The following PTPRK variants were observed in gnomAD, a reference collection of about 807,000 sequenced individuals.
PTPRK encodes receptor-type tyrosine-protein phosphatase kappa.
PTPRK carries 75 observed loss-of-function variants against 178.0 expected under a neutral mutation model. The ratio of observed to expected loss-of-function variants is 0.42; its 90% CI spans 0.35 to 0.51. PTPRK has a LOEUF of 0.51. Ranked by LOEUF, PTPRK falls within the 20% of genes least tolerant of loss-of-function variation. The pLI, the probability that PTPRK is intolerant of heterozygous loss-of-function variation, is 0.02. For missense variants in PTPRK, 1,441 were observed against 1,797.8 expected (o/e 0.80, Z 3.59); for synonymous variants, 637 against 620.6 (o/e 1.03, Z -0.39).
rs971501204 is a variant in PTPRK at position 128,213,416 on chromosome 6, G to C, written c.868+5506C>G. Among the ~76,000 whole-genome samples the C allele has an allele frequency of 3.9e-5, 6 of 151,992 alleles. No homozygotes were observed. The East Asian group carries it at 7.7e-4, about 19-fold the overall frequency. ...CTGCATGGGCTTTTTTAAATATTTAGGGGTTTTGGGGGGTAAAATTAGTAT... is the reference window on the plus strand; with the variant it reads ...CTGCATGGGCTTTTTTAAATATTTACGGGTTTTGGGGGGTAAAATTAGTAT... On this transcript the variant is annotated intron_variant, in intron 6 of 29. Coordinates refer to ENST00000368226, the MANE Select transcript of PTPRK (RefSeq NM_002844.4).
At chr6:128,274,759 C>T (rs1768347) in intron 3 of PTPRK, among the ~76,000 whole-genome samples, 8,097 of 152,004 alleles carry the variant, frequency 0.053, 580 homozygotes, top group African/African-American at 0.17. Context: ...CAGGAGAGTA[C>T]AAACTGAAAT....
chr6:128,407,847 T>A (rs952988230), intron 1 of PTPRK, among the ~76,000 whole-genome samples: 2 of 151,924 alleles, frequency 1.3e-5, no homozygotes, highest in African/African-American at 4.8e-5. Flanking sequence ...AACCAAGAAG[T>A]TTTTAAATTT....
intron 2 of PTPRK, among the ~76,000 whole-genome samples, chr6:128,371,252 C>CT (rs1836239641): frequency 1.3e-5 from 2 of 152,180 alleles, no homozygotes; most frequent in South Asian, 2.1e-4. Flanking sequence ...AGTTTGGACT[C>CT]TATCTGTACC....
intron 27 of PTPRK, among the ~76,000 whole-genome samples, chr6:127,974,979 C>G (rs1285212371): frequency 1.3e-5 from 2 of 152,054 alleles, no homozygotes; most frequent in Admixed American, 6.6e-5. Flanking sequence ...GCCCATGCAT[C>G]TTTTGGTAGA....
At chr6:128,051,060 C>G (rs2114873400) in intron 13 of PTPRK, among the ~76,000 whole-genome samples, 1 of 152,134 alleles carries the variant, frequency 6.6e-6, no homozygotes, top group East Asian at 1.9e-4. Context: ...TAATCTAATA[C>G]ACTTCTCAAT....
chr6:128,207,043 C>A (rs1807106074), intron 6 of PTPRK, among the ~76,000 whole-genome samples: 1 of 152,140 alleles, frequency 6.6e-6, no homozygotes, highest in Non-Finnish European at 1.5e-5. Context: ...TGCAGCAAAA[C>A]CCTTTGGTTG....
intron 1 of PTPRK, among the ~76,000 whole-genome samples, chr6:128,440,243 T>A (rs2128399950): frequency 6.6e-6 from 1 of 152,314 alleles, no homozygotes. Context: ...ACCTCCATTT[T>A]CTTGCAAAGC....
intron 2 of PTPRK, among the ~76,000 whole-genome samples, chr6:128,390,107 A>G (rs1839341609): frequency 6.6e-6 from 1 of 152,148 alleles, no homozygotes; most frequent in African/African-American, 2.4e-5. Flanking sequence ...TTGGAAGAGC[A>G]CATTGAAATA....
chr6:128,080,767 A>G (rs954594029), intron 10 of PTPRK, among the ~76,000 whole-genome samples: 2 of 152,082 alleles, frequency 1.3e-5, no homozygotes, highest in Non-Finnish European at 2.9e-5. Context: ...AATTATCTGA[A>G]AAGTTCAAGT....
chr6:128,401,600 T>C (rs964147278), intron 1 of PTPRK, among the ~76,000 whole-genome samples: 2 of 152,184 alleles, frequency 1.3e-5, no homozygotes, highest in African/African-American at 4.8e-5. Context: ...GACATTCTTT[T>C]AAAAGATTAT....
At position 128,005,242 on chromosome 6, in the gene PTPRK, T is replaced by C; in HGVS notation, c.2336A>G (p.Lys779Arg). 1 of 1,610,938 alleles carries C rather than the reference T, an allele frequency of 6.2e-7. No homozygotes were observed. Among genetic ancestry groups the C allele is most frequent in the Admixed American group, 1.7e-5 (1 of 59,734 alleles). Reference protein sequence around the residue: ...LVVILIVKKSKLAKKRKDAMG... With the variant: ...LVVILIVKKSRLAKKRKDAMG... ...GGCATCTTTGCGTTTTTTAGCAAGT[T>C]TGCTGCCAAGGCAAATACAAAAGGG... Residue 779 changes from lysine to arginine, a missense_variant and splice_region_variant, in exon 15 of 30, where the codon AAA (lysine) becomes AGA (arginine). Physicochemically the swap from Lys to Arg is conservative, Grantham distance 26 (BLOSUM62 2). Transcript: ENST00000368226.
At chr6:128,435,062 A>C (rs543662710) in intron 1 of PTPRK, among the ~76,000 whole-genome samples, 2,013 of 75,828 alleles carry the variant, frequency 0.027, 44 homozygotes, top group African/African-American at 0.13. Flanking sequence ...GGAAGGAAGG[A>C]AGGAAGGAAG....
chr6:128,002,990 G>T (rs961260862), intron 15 of PTPRK, among the ~76,000 whole-genome samples: 2 of 151,884 alleles, frequency 1.3e-5, no homozygotes, highest in Admixed American at 6.6e-5. Flanking sequence ...AAGAATTGAA[G>T]AATACATTAA....
chr6:128,102,967 A>G (rs1789038845), intron 7 of PTPRK, among the ~76,000 whole-genome samples: 2 of 152,266 alleles, frequency 1.3e-5, no homozygotes, highest in African/African-American at 4.8e-5. Context: ...AAGCCTGGAA[A>G]CACGTGGCCC....
chr6:128,133,815 G>A lies in PTPRK; in HGVS notation c.1163-43823C>T, dbSNP rs118021132. ...TGATCTTCTCGTCTTGCCTTCCAAC[G>A]TGCTAGGATTACAGGCATCAGCCAC... On this transcript the variant is annotated intron_variant, in intron 7 of 29. Coordinates refer to ENST00000368226, the MANE Select transcript of PTPRK (RefSeq NM_002844.4). 3.6e-4 allele frequency among the ~76,000 whole-genome samples: 55 copies of A among 150,808 alleles called. 1 individual carries two copies. The East Asian group carries it at 9.9e-3, about 27-fold the overall frequency.
intron 2 of PTPRK, among the ~76,000 whole-genome samples, chr6:128,348,381 AGT>A (rs1367156403): frequency 3.9e-5 from 6 of 152,148 alleles, no homozygotes; most frequent in Admixed American, 1.3e-4. Flanking sequence ...CCAATAAAAA[AGT>A]GTCTTTCACT....
intron 1 of PTPRK, among the ~76,000 whole-genome samples, chr6:128,440,986 A>G (rs1186871870): frequency 6.6e-6 from 1 of 152,190 alleles, no homozygotes; most frequent in Non-Finnish European, 1.5e-5. Flanking sequence ...ATTACCCCCT[A>G]CACTGTGTGT....
chr6:128,282,338 C>T (rs1207788099), intron 3 of PTPRK, among the ~76,000 whole-genome samples: 25 of 152,172 alleles, frequency 1.6e-4, no homozygotes, highest in Non-Finnish European at 1.5e-5. Context: ...CTATTATATA[C>T]ATGTAGATGA....
intron 1 of PTPRK, among the ~76,000 whole-genome samples, chr6:128,438,747 C>T (rs1340920652): frequency 6.6e-6 from 1 of 152,288 alleles, no homozygotes; most frequent in East Asian, 1.9e-4. Context: ...CCTGAACACA[C>T]TGATGAATAC....
Sources: allele counts gnomAD v4.1 joint callset (sites outside exome capture counted in the v4.1 genomes callset), GRCh38; gene constraint gnomAD v4.1.1; transcripts MANE v1.5; gene names NCBI Gene and HGNC (gene_info 2026-07-23, HGNC 2026-07-21).